PDGFD: variants seen among roughly 807,000 people sequenced by gnomAD.
PDGFD encodes platelet-derived growth factor D.
A neutral mutation model predicts 44.7 loss-of-function variants in PDGFD; 30 were observed. The ratio of observed to expected loss-of-function variants is 0.67; its 90% CI spans 0.50 to 0.91. PDGFD has a LOEUF of 0.91. Ranked by LOEUF, PDGFD falls within the 40% of genes least tolerant of loss-of-function variation. PDGFD has a pLI of 0.00. For missense variants in PDGFD, 445 were observed against 457.8 expected, an observed-to-expected ratio of 0.97 and a Z score of 0.25; for synonymous variants, 173 against 168.4, an observed-to-expected ratio of 1.03 and a Z score of -0.21.
At chr11:104,070,028 C>CG (rs1860851118) in intron 1 of PDGFD, among the ~76,000 whole-genome samples, 2 of 145,410 alleles carry the variant, frequency 1.4e-5, no homozygotes, top group Non-Finnish European at 3.1e-5. Flanking sequence ...GAAGCCCCTA[C>CG]ATGTTGGACT....
intron 1 of PDGFD, among the ~76,000 whole-genome samples, chr11:104,054,327 A>G (rs186454871): frequency 1.3e-5 from 2 of 152,208 alleles, no homozygotes; most frequent in Non-Finnish European, 2.9e-5. Context: ...TTTATCAGTG[A>G]TTGTGTATTA....
intron 1 of PDGFD, among the ~76,000 whole-genome samples, chr11:104,147,352 C>G (rs1232585136): frequency 1.3e-5 from 2 of 152,176 alleles, no homozygotes; most frequent in East Asian, 3.9e-4. Context: ...GGAACACAAT[C>G]CAATAAGGTA....
intron 1 of PDGFD, among the ~76,000 whole-genome samples, chr11:104,097,085 A>G (rs1018495132): frequency 1.3e-5 from 2 of 152,192 alleles, no homozygotes; most frequent in African/African-American, 4.8e-5. Context: ...CGAGGTCAAG[A>G]GGTTTGCCCC....
intron 1 of PDGFD, among the ~76,000 whole-genome samples, chr11:104,005,658 A>G (rs544505198): frequency 4.6e-5 from 7 of 152,328 alleles, no homozygotes; most frequent in Non-Finnish European, 7.3e-5. Flanking sequence ...ACTTCATTTA[A>G]TCCTCACAAC....
rs1050772938 is a variant in PDGFD, at chr11:104,124,001, T to C, written c.124+39803A>G. On this transcript the variant is annotated intron_variant, in intron 1 of 6. Coordinates refer to ENST00000393158, the MANE Select transcript of PDGFD (RefSeq NM_025208.5). ...AGTGATTATTTTTGGTCATACTGAG[T>C]TTATATATATGAAGAAATATATATG... 8.9e-3 allele frequency among the ~76,000 whole-genome samples: 14 copies of C among 1,576 alleles called. No homozygotes were observed. The African/African-American group carries it at 0.13, about 15-fold the overall frequency. The allele number at this position is 1,576 out of a possible 152,430, so 1.0% of individuals were successfully genotyped here.
At chr11:104,140,219 A>G (rs79509484) in intron 1 of PDGFD, among the ~76,000 whole-genome samples, 19,762 of 152,162 alleles carry the variant, frequency 0.13, 1,419 homozygotes, top group East Asian at 0.29. Context: ...GCACAAAATT[A>G]TAATGCCAAT....
chr11:104,019,409 C>T (rs183984878), intron 1 of PDGFD, among the ~76,000 whole-genome samples: 1 of 152,050 alleles, frequency 6.6e-6, no homozygotes, highest in South Asian at 2.1e-4. Context: ...ATAAATTATT[C>T]AAGGATAATA....
intron 6 of PDGFD, among the ~76,000 whole-genome samples, chr11:103,915,145 G>A (rs1306546418): frequency 1.3e-5 from 2 of 152,172 alleles, no homozygotes; most frequent in African/African-American, 4.8e-5. Context: ...TAGAAAGAGA[G>A]GAAGTCATAT....
At chr11:104,017,561 T>C (rs1859878250) in intron 1 of PDGFD, among the ~76,000 whole-genome samples, 1 of 152,192 alleles carries the variant, frequency 6.6e-6, no homozygotes. Flanking sequence ...ACAGAAAATA[T>C]GGTATTTCCA....
At chr11:103,951,101 G>C (rs2134328437) in intron 3 of PDGFD, among the ~76,000 whole-genome samples, 1 of 152,228 alleles carries the variant, frequency 6.6e-6, no homozygotes, top group African/African-American at 2.4e-5. Flanking sequence ...TTAAGTCCCA[G>C]ATAAAACATA....
intron 5 of PDGFD, among the ~76,000 whole-genome samples, chr11:103,934,930 T>C (rs1462893233): frequency 1.3e-5 from 2 of 152,128 alleles, no homozygotes; most frequent in Admixed American, 6.6e-5. Flanking sequence ...TACAAGCATA[T>C]ATGCTCTAGG....
chr11:104,085,071 TTAGA>T (rs1444643267), intron 1 of PDGFD, among the ~76,000 whole-genome samples: 1 of 151,440 alleles, frequency 6.6e-6, no homozygotes, highest in Non-Finnish European at 1.5e-5. Flanking sequence ...ACAATACAAC[TTAGA>T]TACAGACCTT....
intron 1 of PDGFD, among the ~76,000 whole-genome samples, chr11:104,110,951 G>A (rs949630050): frequency 1.3e-5 from 2 of 151,968 alleles, no homozygotes; most frequent in African/African-American, 4.8e-5. Flanking sequence ...TACCAAAAAT[G>A]TTTTTTTGTC....
chr11:104,051,090 G>T (rs1860527544), intron 1 of PDGFD, among the ~76,000 whole-genome samples: 1 of 142,752 alleles, frequency 7.0e-6, no homozygotes. Flanking sequence ...GCAGCACAAG[G>T]TGATACAGGA....
At position 103,908,462 on chromosome 11, in the gene PDGFD, T is replaced by C. The variant is rs1002048144; in HGVS notation, c.*1232A>G. On this transcript the variant is annotated 3_prime_UTR_variant, in exon 7 of 7. Coordinates refer to ENST00000393158, the MANE Select transcript of PDGFD (RefSeq NM_025208.5). Reference sequence around the variant, plus strand: ...GAACCATAGCCTCTAGGACTGATTTTACTTGGTTCAGAAACAGGAAATCAG... The same window carrying C: ...GAACCATAGCCTCTAGGACTGATTTCACTTGGTTCAGAAACAGGAAATCAG... 6.6e-6 allele frequency: 1 copy of C among 152,232 alleles called. No homozygotes were observed. The highest frequency in any genetic ancestry group is 1.5e-5 in the Non-Finnish European group (1 of 68,032). The allele number at this position is 152,232 out of a possible 1,614,324, so 9.4% of individuals were successfully genotyped here. A position where few individuals can be genotyped will look rare whatever the true frequency, so the allele number is the denominator to read the frequency against.
rs1330220044 is a variant in PDGFD, at chr11:103,943,541, T to A, written c.683A>T (p.Asn228Ile). 1 of 1,613,418 alleles carries A rather than the reference T, an allele frequency of 6.2e-7. No homozygotes were observed. ...AAGATCTTCTTGCCATGACTCTGGA[T>A]TGAAGTACTTGAGCAGATCTTCCAC... ...DTVEDLLKYF[N>I]PESWQEDLEN... Residue 228 changes from asparagine to isoleucine, a missense_variant, in exon 5 of 7, where the codon AAT (asparagine) becomes ATT (isoleucine). Transcript: ENST00000393158.
At chr11:104,070,236 A>C (rs1860854964) in intron 1 of PDGFD, among the ~76,000 whole-genome samples, 1 of 152,312 alleles carries the variant, frequency 6.6e-6, no homozygotes, top group African/African-American at 2.4e-5. Context: ...CTGGGTACTA[A>C]GTGTGTTAAT....
At chr11:104,088,800 T>G (rs1294592877) in intron 1 of PDGFD, among the ~76,000 whole-genome samples, 1 of 152,142 alleles carries the variant, frequency 6.6e-6, no homozygotes, top group East Asian at 1.9e-4. Flanking sequence ...GATTATGTTC[T>G]CAGCTGGGTA....
chr11:103,976,081 T>C (rs1859179579), intron 3 of PDGFD, among the ~76,000 whole-genome samples: 1 of 152,188 alleles, frequency 6.6e-6, no homozygotes, highest in African/African-American at 2.4e-5. Flanking sequence ...ATAAATTGCT[T>C]TGGGCATTAT....
Sources: allele counts gnomAD v4.1 joint callset (sites outside exome capture counted in the v4.1 genomes callset), GRCh38; gene constraint gnomAD v4.1.1; transcripts MANE v1.5; gene names NCBI Gene and HGNC (gene_info 2026-07-23, HGNC 2026-07-21).